WDR27: variants seen among roughly 807,000 people sequenced by gnomAD.
WDR27 encodes WD repeat domain 27.
Under a neutral mutation model 114.4 loss-of-function variants are expected in WDR27, and 100 were observed. That is an observed-to-expected ratio of 0.87 (90% CI 0.74 to 1.03). The LOEUF (loss-of-function observed/expected upper bound fraction) is 1.03. Among genes scored for constraint, WDR27 ranks in the 50% least tolerant of loss-of-function variants. The probability of loss-of-function intolerance (pLI) is 0.00; values close to 1 mark genes in which losing one functional copy is unlikely to be tolerated. For missense variants in WDR27, 1,129 were observed against 1,092.9 expected (o/e 1.03, Z -0.47); for synonymous variants, 449 against 423.1 (o/e 1.06, Z -0.75).
At chr6:169,487,837 G>A (rs923639806) in intron 25 of WDR27, among the ~76,000 whole-genome samples, 3 of 152,186 alleles carry the variant, frequency 2.0e-5, no homozygotes, top group African/African-American at 7.2e-5. Context: ...ATGGTTAATA[G>A]TTTGGAGTTT....
the WDR27 span, among the ~76,000 whole-genome samples, chr6:169,429,781 C>T: frequency 3.9e-5 from 6 of 152,202 alleles, no homozygotes; most frequent in East Asian, 1.9e-4. Flanking sequence ...GGGCCCAAAA[C>T]TTTGCATTTT....
At chr6:169,686,355 C>A (rs940160641) in intron 2 of WDR27, among the ~76,000 whole-genome samples, 1 of 151,876 alleles carries the variant, frequency 6.6e-6, no homozygotes, top group Non-Finnish European at 1.5e-5. Context: ...GAAGAAGTAA[C>A]GAACAAAAGA....
chr6:169,515,247 G>A (rs1201032898), intron 25 of WDR27, among the ~76,000 whole-genome samples: 1 of 152,028 alleles, frequency 6.6e-6, no homozygotes, highest in Non-Finnish European at 1.5e-5. Context: ...AAAAGAAATG[G>A]AGAAGGAGAC....
In WDR27 at chr6:169,580,910, A is replaced by G. The variant is rs933594758; in HGVS notation, c.2523+1926T>C. Among the ~76,000 whole-genome samples, 3 of 144,520 alleles carry G rather than the reference A, an allele frequency of 2.1e-5. No individual in the cohort carries two copies. In the Admixed American group the frequency reaches 2.2e-4, roughly 10 times the overall value. 94.8% of individuals were successfully genotyped at this position (144,520 alleles called of 152,430 possible). ...AATTTTTAAAAATAAGGAAATTTTT[A>G]AAAATAAGGAACTTAGTGAATTTTA... On this transcript the variant is annotated intron_variant, in intron 24 of 25. Transcript: ENST00000448612.
At chr6:169,473,952 G>A (rs905516460) in intron 25 of WDR27, among the ~76,000 whole-genome samples, 3 of 152,210 alleles carry the variant, frequency 2.0e-5, no homozygotes, top group Non-Finnish European at 4.4e-5. Flanking sequence ...GCCCAACTGG[G>A]GCCAGGTGTC....
chr6:169,528,519 T>A (rs1795209193), intron 25 of WDR27, among the ~76,000 whole-genome samples: 1 of 152,152 alleles, frequency 6.6e-6, no homozygotes, highest in Admixed American at 6.5e-5. Context: ...TTAACAAACA[T>A]CTTTAAAATA....
chr6:169,634,856 C>T (rs1817289861), intron 19 of WDR27, among the ~76,000 whole-genome samples: 4 of 152,140 alleles, frequency 2.6e-5, no homozygotes, highest in East Asian at 3.9e-4. Flanking sequence ...GCCCATCTCC[C>T]GCTACATATA....
chr6:169,617,950 C>T (rs1812258061), intron 21 of WDR27, among the ~76,000 whole-genome samples: 1 of 152,086 alleles, frequency 6.6e-6, no homozygotes, highest in African/African-American at 2.4e-5. Flanking sequence ...AAAGGAAAAC[C>T]TTAGGGAGGA....
At chr6:169,633,266 G>A (rs1816856968) in intron 20 of WDR27, among the ~76,000 whole-genome samples, 198 bp from the exon 21 acceptor site, 1 of 152,258 alleles carries the variant, frequency 6.6e-6, no homozygotes, top group Admixed American at 6.5e-5. Flanking sequence ...GTGTTGGCAA[G>A]AGCAGGTGGA....
the WDR27 span, among the ~76,000 whole-genome samples, chr6:169,432,317 C>T: frequency 6.6e-6 from 1 of 152,224 alleles, no homozygotes; most frequent in Non-Finnish European, 1.5e-5. Context: ...TCACAGTTAA[C>T]TATGCTTTGT....
chr6:169,663,303 G>A (rs868629119), intron 8 of WDR27, among the ~76,000 whole-genome samples: 1 of 152,008 alleles, frequency 6.6e-6, no homozygotes, highest in South Asian at 2.1e-4. Flanking sequence ...TTGGTATACT[G>A]GATAAAAGTA....
chr6:169,700,416 C>G (rs1356543509), intron 1 of WDR27, among the ~76,000 whole-genome samples: 1 of 152,198 alleles, frequency 6.6e-6, no homozygotes, highest in African/African-American at 2.4e-5. Flanking sequence ...TCCACTAAGC[C>G]ACTTCCCTTT....
rs1788168937 is a variant in WDR27, at chr6:169,701,859, C to A, written c.-316G>T. Reference sequence around the variant, plus strand: ...AGCCCTGCGCCCTAGGCACACGCCCCAGAGCAGCAGCTCGGGTTCGGCGCC... The same window carrying A: ...AGCCCTGCGCCCTAGGCACACGCCCAAGAGCAGCAGCTCGGGTTCGGCGCC... On this transcript the variant is annotated 5_prime_UTR_variant, in exon 1 of 26. Transcript: ENST00000448612. 2.9e-6 allele frequency: 1 copy of A among 340,602 alleles called. No individual in the cohort carries two copies. The allele number at this position is 340,602 out of a possible 1,614,324, so 21.1% of individuals were successfully genotyped here.
chr6:169,621,757 CATAT>C (rs1488072293), intron 21 of WDR27, among the ~76,000 whole-genome samples: 1 of 151,976 alleles, frequency 6.6e-6, no homozygotes, highest in African/African-American at 2.4e-5. Context: ...CACACGCACA[CATAT>C]ATACAGACGC....
intron 1 of WDR27, among the ~76,000 whole-genome samples, chr6:169,691,211 T>C (rs1448433787): frequency 6.6e-6 from 1 of 151,986 alleles, no homozygotes; most frequent in Admixed American, 6.6e-5. Context: ...CGAGACTCTG[T>C]CTCAAAAAAA....
At chr6:169,470,627 T>C (rs1786244510) in intron 25 of WDR27, among the ~76,000 whole-genome samples, 1 of 152,188 alleles carries the variant, frequency 6.6e-6, no homozygotes, top group South Asian at 2.1e-4. Flanking sequence ...AGTTTACACA[T>C]GAGTGGGAAG....
At chr6:169,670,526 C>T in intron 4 of WDR27, 43 bp downstream of exon 4, 2 of 1,610,638 alleles carry the variant, frequency 1.2e-6, no homozygotes, top group Non-Finnish European at 1.7e-6. Context: ...GAGGCCCCAT[C>T]AGCTAAACCC....
Position 169,659,283 on chromosome 6 carries a change from T to C in WDR27, c.1198-76A>G. ...GACGAAACGTGCATCCGCACACGTA[T>C]CCTAACAGCTGCTTCATTCTCATAG... On this transcript the variant is annotated intron_variant, in intron 11 of 25. Coordinates refer to ENST00000448612, the MANE Select transcript of WDR27 (RefSeq NM_182552.5). The surrounding 1 kb of genome is among the most constrained non-coding windows in gnomAD (Gnocchi z 4.3). 6.4e-7 allele frequency: 1 copy of C among 1,556,888 alleles called. No homozygotes were observed.
Position 169,613,653 on chromosome 6 carries a change from A to G in WDR27, c.2227T>C (p.Ser743Pro), listed in dbSNP as rs750718744. 12 of 1,611,864 alleles carry G rather than the reference A, an allele frequency of 7.4e-6. No individual in the cohort carries two copies. In the African/African-American group the frequency reaches 1.3e-4, roughly 18 times the overall value. Residue 743 changes from serine (S) to proline (P), a missense_variant, in exon 22 of 26, where the codon TCA becomes CCA. By Grantham distance (74) the Ser-to-Pro change is moderately conservative. Coordinates refer to ENST00000448612, the MANE Select transcript of WDR27 (RefSeq NM_182552.5). Reference sequence around the variant, plus strand: ...TGAGGCTGTTGGGTTGTAAATGATGAACCCTATAATTTTAAGGGGGAAATC... The same window carrying G: ...TGAGGCTGTTGGGTTGTAAATGATGGACCCTATAATTTTAAGGGGGAAATC... ...PVHQICQNKG[S>P]SFTTQQPQAY...
Sources: gnomAD v4.1 joint callset for allele counts (sites outside exome capture counted in the v4.1 genomes callset) on GRCh38, gnomAD v4.1.1 for gene constraint, Gnocchi (gnomAD v3.1) non-coding constraint, MANE v1.5 for transcripts, NCBI Gene and HGNC (gene_info 2026-07-23, HGNC 2026-07-21) for gene names.